The following OMA1 variants were observed in gnomAD, a reference collection of about 807,000 sequenced individuals.
OMA1 encodes the protein metalloendopeptidase OMA1, mitochondrial.
Under a neutral mutation model 30.9 loss-of-function variants are expected in OMA1, and 38 were observed. That is an observed-to-expected ratio of 1.23 (90% CI 0.95 to 1.61). The LOEUF is 1.61. Among genes scored for constraint, OMA1 ranks in the 40% most tolerant of loss-of-function variants. OMA1 has a pLI of 0.00. For missense variants in OMA1, 461 were observed against 349.2 expected, an observed-to-expected ratio of 1.32 and a Z score of -2.55; for synonymous variants, 173 against 121.9, an observed-to-expected ratio of 1.42 and a Z score of -2.76.
intron 7 of OMA1, among the ~76,000 whole-genome samples, chr1:58,523,229 T>A (rs1646294819): frequency 6.6e-6 from 1 of 152,232 alleles, no homozygotes; most frequent in Non-Finnish European, 1.5e-5. Flanking sequence ...CCCACCTTTT[T>A]TGCCATATCC....
At chr1:58,488,027 T>C (rs1645606440) in intron 8 of OMA1, among the ~76,000 whole-genome samples, 1 of 152,180 alleles carries the variant, frequency 6.6e-6, no homozygotes, top group Non-Finnish European at 1.5e-5. Context: ...ATTTTATTAA[T>C]TATATTTTCC....
At chr1:58,503,496 A>G (rs1351883412) in intron 8 of OMA1, among the ~76,000 whole-genome samples, 4 of 152,138 alleles carry the variant, frequency 2.6e-5, no homozygotes, top group Non-Finnish European at 5.9e-5. Context: ...GCTGATATAG[A>G]GTGAATGTCT....
chr1:58,487,029 G>C (rs899940359), intron 8 of OMA1, among the ~76,000 whole-genome samples: 5 of 152,192 alleles, frequency 3.3e-5, no homozygotes, highest in African/African-American at 1.2e-4. Context: ...CCAAGGAAAG[G>C]ACATTACAAT....
chr1:58,510,396 C>T (rs992207514), intron 7 of OMA1, among the ~76,000 whole-genome samples: 1 of 151,966 alleles, frequency 6.6e-6, no homozygotes, highest in African/African-American at 2.4e-5. Context: ...TCAATAGATG[C>T]AGAAAAAGCA....
At chr1:58,546,202 C>T (rs1174925701) in intron 1 of OMA1, among the ~76,000 whole-genome samples, 2 of 152,236 alleles carry the variant, frequency 1.3e-5, no homozygotes, top group South Asian at 2.1e-4. Flanking sequence ...CGAGTTTAGG[C>T]TGGAAAACGT....
chr1:58,483,588 G>C (rs28529311), intron 8 of OMA1, among the ~76,000 whole-genome samples: 47,795 of 152,086 alleles, frequency 0.31, 8,001 homozygotes, highest in African/African-American at 0.43. Context: ...CTTATATCTA[G>C]TGAGTGTTAA....
intron 8 of OMA1, among the ~76,000 whole-genome samples, chr1:58,500,592 TAA>T (rs759775547): frequency 2.6e-5 from 4 of 152,208 alleles, no homozygotes; most frequent in Non-Finnish European, 5.9e-5. Flanking sequence ...GTGAATTTGA[TAA>T]AGATTTTTTT....
intron 8 of OMA1, among the ~76,000 whole-genome samples, chr1:58,492,851 G>A (rs971959726): frequency 6.2e-4 from 95 of 152,168 alleles, no homozygotes; most frequent in African/African-American, 2.2e-3. Context: ...GAAGGAGCTG[G>A]TACCATTCCT....
At chr1:58,492,678 A>C (rs1159857233) in intron 8 of OMA1, among the ~76,000 whole-genome samples, 1 of 152,236 alleles carries the variant, frequency 6.6e-6, no homozygotes, top group Admixed American at 6.5e-5. Flanking sequence ...GAAATGGATA[A>C]ATTCCTGGAC....
chr1:58,505,439 C>T (rs1645972538), intron 8 of OMA1, among the ~76,000 whole-genome samples: 1 of 152,132 alleles, frequency 6.6e-6, no homozygotes, highest in Non-Finnish European at 1.5e-5. Flanking sequence ...TAAAAACATT[C>T]TGAATGATGT....
At position 58,533,965 on chromosome 1, in the gene OMA1, T is replaced by TA; in HGVS notation, c.998dup (p.Leu334ThrfsTer33). The TA allele has an allele frequency of 1.1e-6, 1 of 872,516 alleles. No individual in the cohort carries two copies. Among genetic ancestry groups the TA allele is most frequent in the Non-Finnish European group, 2.0e-6 (1 of 501,510 alleles). 54.0% of individuals were successfully genotyped at this position (872,516 alleles called of 1,614,324 possible). ...TTTAGGTACTTACAGCATGCCCAAG[T>TA]ACTGCATGTGCTATTTCATGGCCCA... On this transcript the variant is annotated frameshift_variant, in exon 5 of 9. Transcript: ENST00000371226. LOFTEE classifies it high-confidence loss of function.
chr1:58,533,129 A>G (rs1646462395), intron 5 of OMA1, among the ~76,000 whole-genome samples: 1 of 152,224 alleles, frequency 6.6e-6, no homozygotes, highest in Non-Finnish European at 1.5e-5. Flanking sequence ...ATAACAATTT[A>G]AAAAATGTGT....
intron 7 of OMA1, among the ~76,000 whole-genome samples, chr1:58,511,548 G>A (rs1472669345): frequency 1.3e-5 from 2 of 152,066 alleles, no homozygotes; most frequent in Non-Finnish European, 2.9e-5. Flanking sequence ...AGGATCACCT[G>A]AGCCTGGGAA....
intron 8 of OMA1, among the ~76,000 whole-genome samples, chr1:58,487,562 C>T (rs745864803): frequency 4.6e-5 from 7 of 152,152 alleles, no homozygotes; most frequent in Non-Finnish European, 7.4e-5. Flanking sequence ...CTCTGAACTT[C>T]TGAAAAAATT....
At chr1:58,510,352 C>A (rs1557446807) in intron 7 of OMA1, among the ~76,000 whole-genome samples, 1 of 151,976 alleles carries the variant, frequency 6.6e-6, no homozygotes, top group Non-Finnish European at 1.5e-5. Flanking sequence ...ATGTGATATA[C>A]CACATTAACA....
chr1:58,495,076 A>G (rs1296275229), intron 8 of OMA1, among the ~76,000 whole-genome samples: 26 of 152,226 alleles, frequency 1.7e-4, no homozygotes, highest in South Asian at 8.3e-4. Flanking sequence ...ACAGCATGGA[A>G]TACTATGCAG....
At chr1:58,526,601 C>CAAAAAAAAA (rs10574530) in intron 7 of OMA1, among the ~76,000 whole-genome samples, 1 of 121,408 alleles carries the variant, frequency 8.2e-6, no homozygotes. Flanking sequence ...CTATGGCTAG[C>CAAAAAAAAA]AAAAAAAAAA....
intron 8 of OMA1, among the ~76,000 whole-genome samples, chr1:58,497,801 C>T (rs1372895687): frequency 6.6e-6 from 1 of 152,150 alleles, no homozygotes; most frequent in Non-Finnish European, 1.5e-5. Flanking sequence ...TCCTGACCAC[C>T]TCTCTACAAC....
chr1:58,545,271 G>A (rs1232230820), intron 1 of OMA1, among the ~76,000 whole-genome samples: 1 of 152,298 alleles, frequency 6.6e-6, no homozygotes, highest in East Asian at 1.9e-4. Context: ...CATGACTTGT[G>A]TAAAAATTTT....
Sources: gnomAD v4.1 joint callset for allele counts (sites outside exome capture counted in the v4.1 genomes callset) on GRCh38, gnomAD v4.1.1 for gene constraint, MANE v1.5 for transcripts, NCBI Gene and HGNC (gene_info 2026-07-23, HGNC 2026-07-21) for gene names.